Variants in CNTN5 observed in about 807,000 individuals in gnomAD.
CNTN5 encodes the protein contactin 5.
In CNTN5, 77 loss-of-function variants were observed where a neutral mutation model predicts 129.1. The observed-to-expected ratio is 0.60, with a 90% CI of 0.50 to 0.72. The LOEUF is 0.72. CNTN5 is among the 30% of genes least tolerant of loss of function. The pLI is 0.00. For missense variants in CNTN5, 1,478 were observed against 1,328.8 expected, an observed-to-expected ratio of 1.11 and a Z score of -1.75; for synonymous variants, 509 against 465.6, an observed-to-expected ratio of 1.09 and a Z score of -1.20.
intron 1 of CNTN5, among the ~76,000 whole-genome samples, chr11:99,151,531 G>C (rs80335557): frequency 1.3e-5 from 2 of 151,942 alleles, no homozygotes. Flanking sequence ...AATATTTTCC[G>C]GTAATACAGT....
chr11:100,005,018 G>T (rs1424073223), intron 9 of CNTN5, among the ~76,000 whole-genome samples: 1 of 152,122 alleles, frequency 6.6e-6, no homozygotes, highest in Admixed American at 6.6e-5. Context: ...GAACAAGAAG[G>T]TGACAGGCAA....
chr11:100,314,572 T>C (rs929738324), intron 21 of CNTN5, among the ~76,000 whole-genome samples: 5 of 152,178 alleles, frequency 3.3e-5, no homozygotes, highest in African/African-American at 1.2e-4. Flanking sequence ...CAATGCATTT[T>C]CCTTAATAAA....
chr11:99,689,582 G>A (rs543118272), intron 3 of CNTN5, among the ~76,000 whole-genome samples: 2 of 145,218 alleles, frequency 1.4e-5, no homozygotes, highest in African/African-American at 5.1e-5. Context: ...AACCTCAGCA[G>A]CATCTGTTAC....
chr11:99,910,681 A>G (rs1162158709), intron 6 of CNTN5, among the ~76,000 whole-genome samples: 1 of 152,134 alleles, frequency 6.6e-6, no homozygotes, highest in Non-Finnish European at 1.5e-5. Context: ...ATAGAAAAAC[A>G]GGAATTAGTA....
At chr11:100,135,716 T>C (rs1946501203) in intron 13 of CNTN5, among the ~76,000 whole-genome samples, 1 of 152,232 alleles carries the variant, frequency 6.6e-6, no homozygotes, top group Admixed American at 6.5e-5. Context: ...TGCTTTCTGA[T>C]ATTGGTGACA....
At chr11:99,788,402 C>T (rs1418008473) in intron 3 of CNTN5, among the ~76,000 whole-genome samples, 1 of 151,880 alleles carries the variant, frequency 6.6e-6, no homozygotes, top group Admixed American at 6.6e-5. Context: ...CGCTCAAAGA[C>T]AGGACTTATT....
At chr11:99,782,608 T>C (rs1437832473) in intron 3 of CNTN5, among the ~76,000 whole-genome samples, 1 of 151,864 alleles carries the variant, frequency 6.6e-6, no homozygotes, top group Non-Finnish European at 1.5e-5. Flanking sequence ...CAAAACAGCA[T>C]GGTACTGGTA....
intron 3 of CNTN5, among the ~76,000 whole-genome samples, chr11:99,670,229 C>T (rs1477542688): frequency 6.6e-6 from 1 of 152,084 alleles, no homozygotes; most frequent in Non-Finnish European, 1.5e-5. Context: ...AAGTGTAACC[C>T]AACAGCATAA....
intron 3 of CNTN5, among the ~76,000 whole-genome samples, chr11:99,745,128 T>C (rs1054741658): frequency 6.6e-6 from 1 of 152,178 alleles, no homozygotes; most frequent in Non-Finnish European, 1.5e-5. Context: ...AAAATATATG[T>C]TCTTGGTTTG....
intron 9 of CNTN5, among the ~76,000 whole-genome samples, chr11:100,044,681 T>C (rs1039694809): frequency 1.3e-5 from 2 of 152,086 alleles, no homozygotes; most frequent in African/African-American, 4.8e-5. Flanking sequence ...TTTTGGAATT[T>C]TTTGTTGTTT....
intron 3 of CNTN5, among the ~76,000 whole-genome samples, chr11:99,716,326 A>T (rs983638040): frequency 6.6e-6 from 1 of 151,982 alleles, no homozygotes; most frequent in Admixed American, 6.6e-5. Flanking sequence ...TAAATCGATG[A>T]CTACTTCTAA....
intron 3 of CNTN5, among the ~76,000 whole-genome samples, chr11:99,724,702 A>G (rs1400604052): frequency 1.3e-5 from 2 of 152,182 alleles, no homozygotes; most frequent in Non-Finnish European, 2.9e-5. Context: ...AGTTATCGGT[A>G]AATGCACCAT....
chr11:99,021,662 T>C (rs1862875021), intron 1 of CNTN5, among the ~76,000 whole-genome samples: 1 of 152,246 alleles, frequency 6.6e-6, no homozygotes, highest in Admixed American at 6.5e-5. Context: ...ACTGAATGTA[T>C]GCCTTATGTT....
At chr11:99,377,408 T>G (rs899357257) in intron 2 of CNTN5, among the ~76,000 whole-genome samples, 1 of 152,168 alleles carries the variant, frequency 6.6e-6, no homozygotes, top group African/African-American at 2.4e-5. Flanking sequence ...GCTGCTGTTT[T>G]GTTATTTCTT....
In CNTN5 at chr11:99,310,991, G is replaced by A. The variant is rs1192017486; in HGVS notation, c.-209-14355G>A. ...TTGTCACCCATGCCGGAATGCGGTGGTGCTGTCTTGGCTCACTGCAACCTC... is the reference window on the plus strand; with the variant it reads ...TTGTCACCCATGCCGGAATGCGGTGATGCTGTCTTGGCTCACTGCAACCTC... On this transcript the variant is annotated intron_variant, in intron 1 of 24. Coordinates refer to ENST00000524871, the MANE Select transcript of CNTN5 (RefSeq NM_014361.4). Among the ~76,000 whole-genome samples, 3 of 151,826 alleles carry A rather than the reference G, an allele frequency of 2.0e-5. No individual in the cohort carries two copies. The East Asian group carries it at 5.8e-4, about 29-fold the overall frequency.
rs576137914 is a variant in CNTN5 at position 99,341,674 on chromosome 11, A to G, written c.-71+16190A>G. 1.4e-4 allele frequency among the ~76,000 whole-genome samples: 22 copies of G among 152,298 alleles called. No homozygotes were observed. The South Asian group carries it at 4.3e-3, about 30-fold the overall frequency. On this transcript the variant is annotated intron_variant, in intron 2 of 24. Coordinates refer to ENST00000524871, the MANE Select transcript of CNTN5 (RefSeq NM_014361.4). ...GGAAGGGGAAGTATGTTATCTACAA[A>G]CAACAAAAAGAGGAAAAGAAAAGAA... is the stretch of plus-strand genomic sequence containing the variant.
At chr11:99,744,721 G>GA (rs35204165) in intron 3 of CNTN5, among the ~76,000 whole-genome samples, 62,225 of 112,590 alleles carry the variant, frequency 0.55, 16,132 homozygotes, top group South Asian at 0.65. Flanking sequence ...CCCTGTCTCA[G>GA]AAAAAAAAAA....
chr11:99,162,069 A>G (rs1860636165), intron 1 of CNTN5, among the ~76,000 whole-genome samples: 1 of 152,118 alleles, frequency 6.6e-6, no homozygotes, highest in South Asian at 2.1e-4. Context: ...ACAACCCTAG[A>G]CTACCCTGGT....
At chr11:99,123,239 T>G (rs932150656) in intron 1 of CNTN5, among the ~76,000 whole-genome samples, 12 of 152,134 alleles carry the variant, frequency 7.9e-5, no homozygotes, top group African/African-American at 2.9e-4. Flanking sequence ...TAACGGTCAT[T>G]CTGACTGGTA....
Sources: allele counts gnomAD v4.1 joint callset (sites outside exome capture counted in the v4.1 genomes callset), GRCh38; gene constraint gnomAD v4.1.1; transcripts MANE v1.5; gene names NCBI Gene and HGNC (gene_info 2026-07-23, HGNC 2026-07-21).